ARHGEF11: variants seen among roughly 807,000 people sequenced by gnomAD.
ARHGEF11 encodes the protein Rho guanine exchange factor (GEF) 11.
A neutral mutation model predicts 193.7 loss-of-function variants in ARHGEF11; 55 were observed. That is an observed-to-expected ratio of 0.28 (90% CI 0.23 to 0.36). ARHGEF11 has a LOEUF of 0.36. Among genes scored for constraint, ARHGEF11 ranks in the 10% least tolerant of loss-of-function variants. The probability of loss-of-function intolerance (pLI) is 1.00; values close to 1 mark genes in which losing one functional copy is unlikely to be tolerated. For missense variants in ARHGEF11, 1,723 were observed against 2,005.6 expected, an observed-to-expected ratio of 0.86 and a Z score of 2.69; for synonymous variants, 693 against 768.0, an observed-to-expected ratio of 0.90 and a Z score of 1.62.
At chr1:157,018,427 C>G (rs577066628) in intron 1 of ARHGEF11, among the ~76,000 whole-genome samples, 1 of 151,876 alleles carries the variant, frequency 6.6e-6, no homozygotes. Flanking sequence ...GCGGATCATG[C>G]GGTCAGGAGA....
rs79900720 is a variant in ARHGEF11, at chr1:157,006,751, T to A, written c.33-20578A>T. Among the ~76,000 whole-genome samples the A allele has an allele frequency of 3.8e-3, 572 of 152,330 alleles. 5 individuals carry two copies. Among genetic ancestry groups the A allele is most frequent in the African/African-American group, 0.013 (543 of 41,574 alleles). ...CACCATCTGCTGGCACCTCCTTCCC[T>A]GGATCACACTGAACCTTTAACGATT... On this transcript the variant is annotated intron_variant, in intron 1 of 40. Transcript: ENST00000368194.
chr1:156,936,105 C>G, intron 40 of ARHGEF11, 47 bp from the exon 41 acceptor site: 1 of 1,574,240 alleles, frequency 6.4e-7, no homozygotes, highest in Non-Finnish European at 8.7e-7. Context: ...CTGAGGTGAC[C>G]GCTTCCACAT....
chr1:156,945,443 C>A, intron 29 of ARHGEF11: 1 of 523,530 alleles, frequency 1.9e-6, no homozygotes, highest in Non-Finnish European at 3.4e-6. Context: ...ATCCCTGCCT[C>A]TACTACAACC....
chr1:157,042,454 T>C (rs556047941), intron 1 of ARHGEF11, among the ~76,000 whole-genome samples: 28 of 152,276 alleles, frequency 1.8e-4, no homozygotes, highest in Admixed American at 1.8e-3. Flanking sequence ...AGAAGACCTG[T>C]GTTTGAGTCT....
At chr1:157,035,698 CA>C (rs1671833489) in intron 1 of ARHGEF11, among the ~76,000 whole-genome samples, 1 of 150,894 alleles carries the variant, frequency 6.6e-6, no homozygotes, top group African/African-American at 2.4e-5. Flanking sequence ...CTACATTAGT[CA>C]ACTAGAATGA....
chr1:157,013,263 T>TCACACACACACACACACACACACACA (rs71084208), intron 1 of ARHGEF11, among the ~76,000 whole-genome samples: 6 of 140,704 alleles, frequency 4.3e-5, no homozygotes, highest in Admixed American at 1.4e-4. Flanking sequence ...CCACTATCAC[T>TCACACACACACACACACACACACACA]CACACACACA....
At chr1:156,975,635 A>G (rs921810425) in intron 7 of ARHGEF11, among the ~76,000 whole-genome samples, 4 of 152,232 alleles carry the variant, frequency 2.6e-5, no homozygotes, top group South Asian at 2.1e-4. Flanking sequence ...ATCCAAGGTC[A>G]TGAAGATTTA....
chr1:156,973,470 T>C (rs1405308596), intron 7 of ARHGEF11, among the ~76,000 whole-genome samples: 1 of 152,210 alleles, frequency 6.6e-6, no homozygotes, highest in Non-Finnish European at 1.5e-5. Flanking sequence ...CTGGGTGATC[T>C]CTTTCGGTCA....
chr1:157,001,008 T>C (rs1395459431), intron 1 of ARHGEF11, among the ~76,000 whole-genome samples: 2 of 152,196 alleles, frequency 1.3e-5, no homozygotes, highest in African/African-American at 4.8e-5. Context: ...ATTCCTGTTC[T>C]ACCCTTCGAA....
intron 1 of ARHGEF11, among the ~76,000 whole-genome samples, chr1:157,034,772 G>A (rs1014129830): frequency 6.6e-6 from 1 of 152,162 alleles, no homozygotes; most frequent in Non-Finnish European, 1.5e-5. Flanking sequence ...CAACATAACA[G>A]TCTACCACGT....
chr1:156,967,659 A>G (rs1661877772), intron 11 of ARHGEF11, among the ~76,000 whole-genome samples: 1 of 152,190 alleles, frequency 6.6e-6, no homozygotes. Context: ...GAAACTGAAA[A>G]TTAGTATCCT....
Position 156,948,805 on chromosome 1 carries a change from G to A in ARHGEF11, c.1926-307C>T. 1 of 985,440 alleles carries A rather than the reference G, an allele frequency of 1.0e-6. No individual in the cohort carries two copies. Among genetic ancestry groups the A allele is most frequent in the Non-Finnish European group, 1.2e-6 (1 of 829,930 alleles). 61.0% of individuals were successfully genotyped at this position (985,440 alleles called of 1,614,324 possible). ...TGGGGCTAACAGACTCTGAGTTGTA[G>A]TGTGTCCAGAGGCCTGAGACACCAT... On this transcript the variant is annotated intron_variant, in intron 22 of 40. Coordinates refer to ENST00000368194, the MANE Select transcript of ARHGEF11 (RefSeq NM_198236.3). This position sits in a 1 kb window ranked among gnomAD's most constrained non-coding sequence, Gnocchi z 4.2.
chr1:156,942,820 A>G (rs1219913652), intron 32 of ARHGEF11, 40 bp from the exon 33 acceptor site: 1 of 1,568,694 alleles, frequency 6.4e-7, no homozygotes, highest in Non-Finnish European at 8.8e-7. Flanking sequence ...TGTACTAGGG[A>G]TGGCAGGTGT....
intron 13 of ARHGEF11, 66 bp from the exon 14 acceptor site, chr1:156,961,841 G>A: frequency 7.0e-7 from 1 of 1,435,566 alleles, no homozygotes; most frequent in South Asian, 1.1e-5. Flanking sequence ...CCCCCTAGGG[G>A]ACGTTTGGCC....
At chr1:156,960,214 G>A (rs1016357708) in intron 15 of ARHGEF11, among the ~76,000 whole-genome samples, 7 of 152,122 alleles carry the variant, frequency 4.6e-5, no homozygotes, top group East Asian at 1.9e-4. Context: ...CAGAGTGAGC[G>A]CCTAGGCAGG....
At position 156,936,020 on chromosome 1, in the gene ARHGEF11, C is replaced by T. The variant is rs749150417; in HGVS notation, c.4669G>A (p.Ala1557Thr). The T allele has an allele frequency of 2.5e-6, 4 of 1,613,636 alleles. No individual in the cohort carries two copies. Among genetic ancestry groups the T allele is most frequent in the Non-Finnish European group, 3.4e-6 (4 of 1,179,804 alleles). The part of the protein sequence containing the change: ...APLEDSTADA[A>T]ASPGP ...TACGGTTATGGTCCTGGTGACGCGG[C>T]TGCGTCTGCTGTGCTGTCTTCCAGG... The change falls in exon 41 of 41, where the codon GCC becomes ACC. Residue 1557 changes from alanine (A) to threonine (T), a missense_variant. Physicochemically the swap from Ala to Thr is moderately conservative, Grantham distance 58 (BLOSUM62 0). Transcript: ENST00000368194.
chr1:157,008,580 C>A (rs1470472862), intron 1 of ARHGEF11, among the ~76,000 whole-genome samples: 1 of 152,180 alleles, frequency 6.6e-6, no homozygotes, highest in East Asian at 1.9e-4. Flanking sequence ...GTTTAAGCCA[C>A]CCAGTCTATG....
At chr1:157,018,238 TTA>T (rs1203592015) in intron 1 of ARHGEF11, among the ~76,000 whole-genome samples, 1 of 152,202 alleles carries the variant, frequency 6.6e-6, no homozygotes, top group African/African-American at 2.4e-5. Flanking sequence ...CTGAATGTTG[TTA>T]AAATGCCAAT....
chr1:156,947,853 C>G lies in ARHGEF11; in HGVS notation c.2257G>C (p.Ala753Pro). The change falls in exon 25 of 41, where the codon GCC (alanine) becomes CCC (proline). Residue 753 changes from alanine to proline, a missense_variant. Physicochemically the swap from Ala to Pro is conservative, Grantham distance 27. Around this residue, in one of 5 missense-constraint regions of ARHGEF11, gnomAD observed 491 missense variants for 654.5 expected, o/e 0.75. Transcript: ENST00000368194. ...CCCACTGTATGCTGCCAATTTTGGG[C>G]ATCTGGCTCTGGCTCCAGGTCAGAC... ...QLSDLEPEPD[A>P]QNWQHTVGKD... 1 of 1,614,122 alleles carries G rather than the reference C, an allele frequency of 6.2e-7. No homozygotes were observed. Among genetic ancestry groups the G allele is most frequent in the Non-Finnish European group, 8.5e-7 (1 of 1,180,012 alleles).
Sources: gnomAD v4.1 joint callset for allele counts (sites outside exome capture counted in the v4.1 genomes callset) on GRCh38, gnomAD v4.1.1 for gene constraint, gnomAD v4.1.1 regional missense constraint, Gnocchi (gnomAD v3.1) non-coding constraint, MANE v1.5 for transcripts, NCBI Gene and HGNC (gene_info 2026-07-23, HGNC 2026-07-21) for gene names.